REL: variants seen among roughly 807,000 people sequenced by gnomAD.
REL encodes REL proto-oncogene, NF-kB subunit, also known as proto-oncogene c-Rel.
REL carries 15 observed loss-of-function variants against 45.9 expected under a neutral mutation model. The ratio of observed to expected loss-of-function variants is 0.33; its 90% CI spans 0.22 to 0.50. The LOEUF (loss-of-function observed/expected upper bound fraction) is 0.50, where lower values mean the gene tolerates loss of function less well. REL is among the 20% of genes least tolerant of loss of function. The pLI is 0.98. For missense variants in REL, 601 were observed against 715.2 expected, an observed-to-expected ratio of 0.84 and a Z score of 1.82; for synonymous variants, 239 against 242.1, an observed-to-expected ratio of 0.99 and a Z score of 0.12.
chr2:60,921,633 T>C (rs981745406), intron 9 of REL, 130 bp from the exon 10 acceptor site: 1 of 794,124 alleles, frequency 1.3e-6, no homozygotes, highest in African/African-American at 1.7e-5. Flanking sequence ...TTTTTTTATT[T>C]GAAATGTTAC....
intron 1 of REL, among the ~76,000 whole-genome samples, chr2:60,891,299 T>C (rs2103926339): frequency 1.3e-5 from 2 of 152,334 alleles, no homozygotes; most frequent in Middle Eastern, 6.8e-3. Flanking sequence ...ATATTTTACT[T>C]CTGAATACTG....
Position 60,924,103 on chromosome 2 carries a change from G to A in REL, c.*1568G>A, listed in dbSNP as rs1674211954. ...CTCTGCCTTGAATGTTGTTCTCCCA[G>A]AAAAATGCATAGTTCACTCTTACAT... On this transcript the variant is annotated 3_prime_UTR_variant, in exon 10 of 10. Transcript: ENST00000394479. 4.3e-6 allele frequency: 1 copy of A among 231,400 alleles called. No individual in the cohort carries two copies. The highest frequency in any genetic ancestry group is 1.8e-4 in the South Asian group (1 of 5,520). The allele number at this position is 231,400 out of a possible 1,614,324, so 14.3% of individuals were successfully genotyped here.
At chr2:60,896,414 G>A (rs1244911722) in intron 3 of REL, among the ~76,000 whole-genome samples, 2 of 152,082 alleles carry the variant, frequency 1.3e-5, no homozygotes, top group African/African-American at 2.4e-5. Flanking sequence ...GGTATTAATA[G>A]TAGTTGTCTG....
rs1674317583 is a variant in REL at position 60,928,448 on chromosome 2, A to G, written c.*5913A>G. 6.6e-6 allele frequency: 1 copy of G among 151,332 alleles called. No homozygotes were observed. The highest frequency in any genetic ancestry group is 1.5e-5 in the Non-Finnish European group (1 of 67,776). 9.4% of individuals were successfully genotyped at this position (151,332 alleles called of 1,614,324 possible). Reference sequence around the variant, plus strand: ...ATACTACAAGGCTACAGTAACCAAAACAGCATGGTACTGGTACCAAAACAG... The same window carrying G: ...ATACTACAAGGCTACAGTAACCAAAGCAGCATGGTACTGGTACCAAAACAG... On this transcript the variant is annotated 3_prime_UTR_variant, in exon 10 of 10. Transcript: ENST00000394479.
At chr2:60,899,097 A>G (rs1673430133) in intron 3 of REL, 1 of 152,258 alleles carries the variant, frequency 6.6e-6, no homozygotes, top group South Asian at 2.1e-4. Flanking sequence ...CTTTTACCAA[A>G]GAAAAAGAAT....
intron 1 of REL, among the ~76,000 whole-genome samples, chr2:60,889,449 G>T (rs1316984826): frequency 2.6e-5 from 4 of 152,080 alleles, no homozygotes; most frequent in Non-Finnish European, 5.9e-5. Context: ...TGAAATAATA[G>T]ACACCATTTT....
chr2:60,884,248 T>C (rs1673017771), intron 1 of REL, among the ~76,000 whole-genome samples: 1 of 152,050 alleles, frequency 6.6e-6, no homozygotes, highest in South Asian at 2.1e-4. Context: ...AGATGTCATA[T>C]GTAAATAGGT....
chr2:60,903,543 T>A lies in REL; in HGVS notation c.394+2460T>A, dbSNP rs1673555250. ...TGTGCATCACCATGCCCAGCTAATT[T>A]TTTTTTTTGAGACAGAGTCTCACTC... On this transcript the variant is annotated intron_variant, in intron 4 of 9. Coordinates refer to ENST00000394479, the MANE Select transcript of REL (RefSeq NM_001291746.2). Among the ~76,000 whole-genome samples the A allele has an allele frequency of 2.0e-5, 3 of 151,700 alleles. No individual in the cohort carries two copies. In the South Asian group the frequency reaches 6.3e-4, roughly 32 times the overall value.
chr2:60,919,528 C>CA (rs1464438164), intron 7 of REL, among the ~76,000 whole-genome samples: 2 of 152,232 alleles, frequency 1.3e-5, no homozygotes, highest in Middle Eastern at 6.8e-3. Context: ...TGGGTTCAAG[C>CA]AATTCTCCTG....
chr2:60,895,245 A>G (rs1394655530), intron 3 of REL, among the ~76,000 whole-genome samples: 1 of 151,778 alleles, frequency 6.6e-6, no homozygotes. Flanking sequence ...GTGCAGTGGC[A>G]TGATCTCGGC....
rs1352140789 is a variant in REL at position 60,918,466 on chromosome 2, G to A, written c.713G>A (p.Arg238His). ...ATCTTTTCACAAGCTGATGTACACC[G>A]TCAAGTAGCCATTGTTTTCAAAACT... is the stretch of plus-strand genomic sequence containing the variant. ...KGIFSQADVH[R>H]QVAIVFKTPP... The change falls in exon 7 of 10, where the codon CGT becomes CAT. Residue 238 changes from arginine (R) to histidine (H), a missense_variant. Arg to His is a conservative substitution (Grantham distance 29). Around this residue, in one of 4 missense-constraint regions of REL, gnomAD observed 241 missense variants for 347.0 expected, o/e 0.69. Coordinates refer to ENST00000394479, the MANE Select transcript of REL (RefSeq NM_001291746.2). The A allele has an allele frequency of 1.2e-6, 2 of 1,613,712 alleles. No homozygotes were observed. The highest frequency in any genetic ancestry group is 1.7e-5 in the Admixed American group (1 of 59,958).
At position 60,931,554 on chromosome 2, in the gene REL, G is replaced by A. The variant is rs1674381777; in HGVS notation, c.*9019G>A. Reference sequence around the variant, plus strand: ...TTATACAGAATATTTTATTACATTTGCAATATCTTTGTATATAGTGATTTT... The same window carrying A: ...TTATACAGAATATTTTATTACATTTACAATATCTTTGTATATAGTGATTTT... On this transcript the variant is annotated 3_prime_UTR_variant, in exon 10 of 10. Transcript: ENST00000394479. 6.6e-6 allele frequency: 1 copy of A among 152,246 alleles called. No individual in the cohort carries two copies. Among genetic ancestry groups the A allele is most frequent in the South Asian group, 2.1e-4 (1 of 4,826 alleles). 9.4% of individuals were successfully genotyped at this position (152,246 alleles called of 1,614,324 possible).
intron 1 of REL, among the ~76,000 whole-genome samples, chr2:60,889,719 G>GT (rs1558787731): frequency 6.6e-6 from 1 of 151,842 alleles, no homozygotes; most frequent in Admixed American, 6.6e-5. Flanking sequence ...GCGGTGTTTG[G>GT]TTTTTTTGTC....
intron 4 of REL, among the ~76,000 whole-genome samples, chr2:60,914,624 C>T (rs893022629): frequency 3.3e-5 from 5 of 152,142 alleles, no homozygotes; most frequent in Non-Finnish European, 7.4e-5. Context: ...CCATCACCCC[C>T]TAAAATTTCC....
chr2:60,891,388 G>A (rs1300740503), intron 1 of REL, among the ~76,000 whole-genome samples: 1 of 152,018 alleles, frequency 6.6e-6, no homozygotes, highest in Non-Finnish European at 1.5e-5. Context: ...TCTCTGAAGT[G>A]GTTATCTCAG....
Position 60,922,619 on chromosome 2 carries a change from CTA to C in REL, c.*88_*89del. 7.0e-7 allele frequency: 1 copy of C among 1,418,844 alleles called. No homozygotes were observed. Among genetic ancestry groups the C allele is most frequent in the Non-Finnish European group, 9.3e-7 (1 of 1,080,406 alleles). 87.9% of individuals were successfully genotyped at this position (1,418,844 alleles called of 1,614,324 possible). On this transcript the variant is annotated 3_prime_UTR_variant, in exon 10 of 10. Transcript: ENST00000394479. ...TATTTGTCTAACTGGGGATATAATA[CTA>C]TATTTATACTGTATATATAATACTG...
At chr2:60,886,363 T>G (rs1334237517) in intron 1 of REL, among the ~76,000 whole-genome samples, 1 of 152,222 alleles carries the variant, frequency 6.6e-6, no homozygotes, top group Admixed American at 6.5e-5. Flanking sequence ...TCTTCTTAAA[T>G]TAAGTTGCAT....
chr2:60,922,277 A>G lies in REL; in HGVS notation c.1506A>G (p.Arg502=). ...CAGTGTTAGACCCAAGAGACTTGAG[A>G]CAGCTCCATCAGATGTCCTCTTCCA... ...CNSVLDPRDL[R]QLHQMSSSSM... is the part of the protein sequence containing the mutation. Residue 502 remains arginine (R), a synonymous_variant, in exon 10 of 10, where the codon AGA becomes AGG. Coordinates refer to ENST00000394479, the MANE Select transcript of REL (RefSeq NM_001291746.2). 1 of 1,614,192 alleles carries G rather than the reference A, an allele frequency of 6.2e-7. No individual in the cohort carries two copies. Among genetic ancestry groups the G allele is most frequent in the Non-Finnish European group, 8.5e-7 (1 of 1,180,014 alleles).
intron 1 of REL, among the ~76,000 whole-genome samples, chr2:60,884,244 C>T (rs187441764): frequency 6.6e-6 from 1 of 151,970 alleles, no homozygotes; most frequent in Admixed American, 6.5e-5. Context: ...TACCAGATGT[C>T]ATATGTAAAT....
Sources: allele counts gnomAD v4.1 joint callset (sites outside exome capture counted in the v4.1 genomes callset), GRCh38; gene constraint gnomAD v4.1.1; regional missense constraint gnomAD v4.1.1; transcripts MANE v1.5; gene names NCBI Gene and HGNC (gene_info 2026-07-23, HGNC 2026-07-21).